Variants in KPNA4 observed in about 807,000 individuals in gnomAD.
KPNA4 encodes karyopherin subunit alpha 4.
Under a neutral mutation model 71.3 loss-of-function variants are expected in KPNA4, and 13 were observed. The ratio of observed to expected loss-of-function variants is 0.18; its 90% CI spans 0.12 to 0.29. KPNA4 has a LOEUF of 0.29. Ranked by LOEUF, KPNA4 falls within the 10% of genes least tolerant of loss-of-function variation. The probability of loss-of-function intolerance (pLI) is 1.00; values close to 1 mark genes in which losing one functional copy is unlikely to be tolerated. For synonymous variants in KPNA4, 189 were observed against 195.2 expected (o/e 0.97, Z 0.26); for missense variants, 334 against 603.2 (o/e 0.55, Z 4.67).
Position 160,508,204 on chromosome 3 carries a change from T to A in KPNA4, c.1275A>T (p.Ala425=). 6.2e-7 allele frequency: 1 copy of A among 1,612,598 alleles called. No homozygotes were observed. Among genetic ancestry groups the A allele is most frequent in the Non-Finnish European group, 8.5e-7 (1 of 1,179,370 alleles). ...PFCNLLTVKD[A]QVVQVVLDGL... ...CATCGAGTACTACTTGCACAACTTG[T>A]GCATCTTTTACAGTCAGCAAGTTGC... Residue 425 remains alanine, a synonymous_variant, in exon 15 of 17, where the codon GCA becomes GCT. Coordinates refer to ENST00000334256, the MANE Select transcript of KPNA4 (RefSeq NM_002268.5).
chr3:160,512,961 C>G (rs1005124701), intron 13 of KPNA4, among the ~76,000 whole-genome samples: 2 of 152,166 alleles, frequency 1.3e-5, no homozygotes, highest in Non-Finnish European at 2.9e-5. Flanking sequence ...CAAGGATCAT[C>G]AATGGCTACC....
Position 160,501,100 on chromosome 3 carries a change from G to C in KPNA4, c.*1004C>G, listed in dbSNP as rs1219504789. On this transcript the variant is annotated 3_prime_UTR_variant, in exon 17 of 17. Coordinates refer to ENST00000334256, the MANE Select transcript of KPNA4 (RefSeq NM_002268.5). ...TGTGTACTGCAACACAGTCTATTTTGAGGGAAATTTATGATTTTTTTCATG... is the reference window on the plus strand; with the variant it reads ...TGTGTACTGCAACACAGTCTATTTTCAGGGAAATTTATGATTTTTTTCATG... 6.6e-6 allele frequency: 1 copy of C among 152,320 alleles called. No homozygotes were observed. Among genetic ancestry groups the C allele is most frequent in the Non-Finnish European group, 1.5e-5 (1 of 68,004 alleles). The allele number at this position is 152,320 out of a possible 1,614,324, so 9.4% of individuals were successfully genotyped here. A position where few individuals can be genotyped will look rare whatever the true frequency, so the allele number is the denominator to read the frequency against.
At chr3:160,539,762 T>C (rs1465054629) in intron 1 of KPNA4, among the ~76,000 whole-genome samples, 1 of 152,184 alleles carries the variant, frequency 6.6e-6, no homozygotes, top group African/African-American at 2.4e-5. Flanking sequence ...TCTGAGGGAC[T>C]GGGTATTTCC....
At position 160,509,864 on chromosome 3, in the gene KPNA4, A is replaced by C; in HGVS notation, c.1145T>G (p.Phe382Cys). The stretch of plus-strand genomic sequence containing the variant: ...CCAAGCAGCTTCTTTTTGAGTGCCA[A>C]AATCCCCCTGTAAAAAGGCAAAACA... ...MIIHLLDKGDFGTQKEAAWAI... is the reference protein window; with the variant it reads ...MIIHLLDKGDCGTQKEAAWAI... The change falls in exon 14 of 17, where the codon TTT becomes TGT. Residue 382 changes from phenylalanine (F) to cysteine (C), a missense_variant. By Grantham distance (205) the Phe-to-Cys change is radical. Transcript: ENST00000334256. The C allele has an allele frequency of 6.2e-7, 1 of 1,611,796 alleles. No individual in the cohort carries two copies. Among genetic ancestry groups the C allele is most frequent in the Non-Finnish European group, 8.5e-7 (1 of 1,178,178 alleles).
In KPNA4 at chr3:160,535,863, T is replaced by C. The variant is rs536439949; in HGVS notation, c.149A>G (p.Asn50Ser). The part of the protein sequence containing the change: ...KRDEHLLKRR[N>S]VPHEDICEDS... ...TTCACAGATATCTTCATGTGGTACA[T>C]TCCTTCTCTTTAAGAGATGTTCATC... The change falls in exon 3 of 17, where the codon AAT becomes AGT. Residue 50 changes from asparagine to serine, a missense_variant. Asn to Ser is a conservative substitution (Grantham distance 46). Coordinates refer to ENST00000334256, the MANE Select transcript of KPNA4 (RefSeq NM_002268.5). The C allele has an allele frequency of 3.9e-6, 5 of 1,280,632 alleles. No homozygotes were observed. Among genetic ancestry groups the C allele is most frequent in the East Asian group, 5.8e-5 (2 of 34,468 alleles). 79.3% of individuals were successfully genotyped at this position (1,280,632 alleles called of 1,614,324 possible). A position where few individuals can be genotyped will look rare whatever the true frequency, so the allele number is the denominator to read the frequency against.
At chr3:160,517,737 T>G (rs1721257289) in intron 11 of KPNA4, among the ~76,000 whole-genome samples, 1 of 152,116 alleles carries the variant, frequency 6.6e-6, no homozygotes. Context: ...TTTCATGTGC[T>G]TACTGACCAT....
intron 10 of KPNA4, among the ~76,000 whole-genome samples, chr3:160,523,301 T>C (rs941531489): frequency 1.6e-4 from 25 of 151,900 alleles, no homozygotes; most frequent in African/African-American, 6.0e-4. Context: ...TGAAACCCCG[T>C]CTCTATGAAA....
rs376823989 is a variant in KPNA4 at position 160,565,136 on chromosome 3, T to A, written c.69+78A>T. ...GCCTGGAGGCGGCTCCCGCCCCTAA[T>A]CCCCACACTCGGGGTCCCGGCGGAG... On this transcript the variant is annotated intron_variant, in intron 1 of 16. Transcript: ENST00000334256. The A allele has an allele frequency of 1.7e-3, 2,110 of 1,243,916 alleles. 23 individuals are homozygous for A. The East Asian group carries it at 0.028, about 16-fold the overall frequency. The allele number at this position is 1,243,916 out of a possible 1,614,324, so 77.1% of individuals were successfully genotyped here.
chr3:160,530,458 A>G (rs1721551765), intron 7 of KPNA4, among the ~76,000 whole-genome samples: 2 of 152,262 alleles, frequency 1.3e-5, no homozygotes, highest in South Asian at 2.1e-4. Context: ...CAGCCTGGCC[A>G]AAAGAGTAAG....
chr3:160,524,199 G>A (rs185894397), intron 10 of KPNA4, among the ~76,000 whole-genome samples: 41 of 152,214 alleles, frequency 2.7e-4, no homozygotes, highest in Admixed American at 1.6e-3. Flanking sequence ...GCAAGAAAAT[G>A]GAGTCACAGT....
chr3:160,562,369 A>G (rs967055367), intron 1 of KPNA4, among the ~76,000 whole-genome samples: 13 of 152,238 alleles, frequency 8.5e-5, no homozygotes, highest in Non-Finnish European at 2.9e-5. Context: ...AAGACTTCCC[A>G]TGAAATAGAT....
At chr3:160,542,708 C>G (rs1487278568) in intron 1 of KPNA4, among the ~76,000 whole-genome samples, 2 of 152,066 alleles carry the variant, frequency 1.3e-5, no homozygotes, top group Non-Finnish European at 2.9e-5. Context: ...CAAGCAGAAT[C>G]AAGTTCTTAT....
chr3:160,524,563 C>T (rs1312443328), intron 10 of KPNA4, among the ~76,000 whole-genome samples: 3 of 151,922 alleles, frequency 2.0e-5, no homozygotes, highest in Admixed American at 6.6e-5. Flanking sequence ...AGGCTGGTCT[C>T]GAACTCCTGC....
chr3:160,514,843 CATAG>C (rs1446258326), intron 12 of KPNA4: 3 of 429,642 alleles, frequency 7.0e-6, no homozygotes, highest in Admixed American at 5.2e-5. Context: ...GCGTTATAAT[CATAG>C]ATAACTAATA....
intron 11 of KPNA4, among the ~76,000 whole-genome samples, chr3:160,516,839 A>G (rs749145021): frequency 5.3e-5 from 8 of 152,054 alleles, no homozygotes; most frequent in Non-Finnish European, 1.0e-4. Context: ...ATGAGATTTC[A>G]CTATGGTATG....
intron 8 of KPNA4, among the ~76,000 whole-genome samples, chr3:160,526,375 A>G (rs111516563): frequency 2.0e-5 from 3 of 152,338 alleles, no homozygotes; most frequent in African/African-American, 7.2e-5. Flanking sequence ...CTCTCTCAAC[A>G]ATACTCTTGG....
intron 8 of KPNA4, among the ~76,000 whole-genome samples, chr3:160,527,350 T>A (rs1290258873): frequency 2.0e-5 from 3 of 152,196 alleles, no homozygotes. Context: ...CTTACAATTA[T>A]TTATCAGAGA....
At chr3:160,564,020 T>C (rs1722292854) in intron 1 of KPNA4, among the ~76,000 whole-genome samples, 1 of 152,106 alleles carries the variant, frequency 6.6e-6, no homozygotes, top group South Asian at 2.1e-4. Context: ...CCATGGGAAG[T>C]TGAAGATTTC....
intron 2 of KPNA4, 106 bp downstream of exon 2, chr3:160,536,690 G>A (rs917289266): frequency 3.4e-6 from 2 of 582,644 alleles, no homozygotes; most frequent in South Asian, 3.6e-5. Context: ...TATACAATAG[G>A]TTATACATTT....
Sources: gnomAD v4.1 joint callset for allele counts (sites outside exome capture counted in the v4.1 genomes callset) on GRCh38, gnomAD v4.1.1 for gene constraint, MANE v1.5 for transcripts, NCBI Gene and HGNC (gene_info 2026-07-23, HGNC 2026-07-21) for gene names.